PIWIL2: variants seen among roughly 807,000 people sequenced by gnomAD.
The protein encoded by PIWIL2 is piwi-like protein 2.
In PIWIL2, 81 loss-of-function variants were observed where a neutral mutation model predicts 116.5. That is an observed-to-expected ratio of 0.70 (90% CI 0.58 to 0.84). The LOEUF (loss-of-function observed/expected upper bound fraction) is 0.84. PIWIL2 is among the 40% of genes least tolerant of loss of function. The probability of loss-of-function intolerance (pLI) is 0.00; values close to 1 mark genes in which losing one functional copy is unlikely to be tolerated. For missense variants in PIWIL2, 1,272 were observed against 1,212.3 expected (o/e 1.05, Z -0.73); for synonymous variants, 489 against 429.5 (o/e 1.14, Z -1.71).
At chr8:22,305,086 CA>C (rs1831143853) in intron 12 of PIWIL2, among the ~76,000 whole-genome samples, 1 of 152,144 alleles carries the variant, frequency 6.6e-6, no homozygotes. Flanking sequence ...TAAATATCCA[CA>C]TAAGCTATTA....
chr8:22,333,558 G>A (rs546747742), intron 20 of PIWIL2, among the ~76,000 whole-genome samples: 2 of 152,186 alleles, frequency 1.3e-5, no homozygotes, highest in African/African-American at 4.8e-5. Flanking sequence ...GTTGCGGTGA[G>A]CCAATATCAC....
Position 22,281,181 on chromosome 8 carries a change from C to T in PIWIL2, c.260C>T (p.Pro87Leu), listed in dbSNP as rs193228646. ...GGCATTGAAACAGTTTCTAAGACCC[C>T]TCTGAAACGGGAAATGCTTCCATCA... Reference protein sequence around the residue: ...GLGIETVSKTPLKREMLPSGR... With the variant: ...GLGIETVSKTLLKREMLPSGR... Residue 87 changes from proline (P) to leucine (L), a missense_variant, in exon 3 of 23, where the codon CCT becomes CTT. Pro to Leu is a moderately conservative substitution (Grantham distance 98). Coordinates refer to ENST00000356766, the MANE Select transcript of PIWIL2 (RefSeq NM_018068.5). The T allele has an allele frequency of 3.1e-6, 5 of 1,612,486 alleles. No homozygotes were observed. Among genetic ancestry groups the T allele is most frequent in the East Asian group, 4.5e-5 (2 of 44,862 alleles).
chr8:22,317,736 T>G (rs1165741067), intron 19 of PIWIL2, among the ~76,000 whole-genome samples: 2 of 152,148 alleles, frequency 1.3e-5, no homozygotes, highest in Non-Finnish European at 2.9e-5. Context: ...CTCAGCTCAC[T>G]GCAAGCTCCG....
At chr8:22,344,427 A>G (rs79199521) in intron 20 of PIWIL2, among the ~76,000 whole-genome samples, 4 of 152,314 alleles carry the variant, frequency 2.6e-5, no homozygotes, top group East Asian at 1.9e-4. Context: ...GGGTGGGGAT[A>G]GGAGGTGGGA....
rs143452575 is a variant in PIWIL2, at chr8:22,355,996, C to T, written c.*491C>T. On this transcript the variant is annotated 3_prime_UTR_variant, in exon 23 of 23. Coordinates refer to ENST00000356766, the MANE Select transcript of PIWIL2 (RefSeq NM_018068.5). ...GCTAAGGCAGGAGAATCGCTTGAAC[C>T]CGGGAGGTGGAGGTTGCAGTGAGCC... 968 of 155,622 alleles carry T rather than the reference C, an allele frequency of 6.2e-3. 10 individuals are homozygous for T. The highest frequency in any genetic ancestry group is 0.022 in the African/African-American group (919 of 41,462). The allele number at this position is 155,622 out of a possible 1,614,324, so 9.6% of individuals were successfully genotyped here.
chr8:22,287,143 A>C (rs796124828), intron 6 of PIWIL2, among the ~76,000 whole-genome samples: 6 of 152,172 alleles, frequency 3.9e-5, no homozygotes, highest in African/African-American at 1.4e-4. Flanking sequence ...ACAAATGTTA[A>C]GGAAACAAAG....
At chr8:22,318,689 A>C (rs1467303538) in intron 20 of PIWIL2, among the ~76,000 whole-genome samples, 2 of 152,210 alleles carry the variant, frequency 1.3e-5, no homozygotes, top group African/African-American at 4.8e-5. Context: ...GAGGGATCTC[A>C]AATCAAAGGT....
intron 10 of PIWIL2, among the ~76,000 whole-genome samples, chr8:22,302,227 G>A (rs1365054831): frequency 6.6e-6 from 1 of 151,952 alleles, no homozygotes; most frequent in Non-Finnish European, 1.5e-5. Context: ...CTGTCACCAG[G>A]CTAAAGTGCA....
intron 20 of PIWIL2, among the ~76,000 whole-genome samples, chr8:22,351,008 G>C (rs1326613297): frequency 6.6e-6 from 1 of 151,976 alleles, no homozygotes; most frequent in African/African-American, 2.4e-5. Context: ...AGGCATGGTG[G>C]TGCACACCTG....
intron 17 of PIWIL2, among the ~76,000 whole-genome samples, chr8:22,314,649 C>A (rs1831411933): frequency 6.6e-6 from 1 of 152,124 alleles, no homozygotes; most frequent in South Asian, 2.1e-4. Context: ...TTCGCTTGTT[C>A]CGAGGTTGAG....
chr8:22,325,144 A>G (rs1831692948), intron 20 of PIWIL2, among the ~76,000 whole-genome samples: 1 of 152,200 alleles, frequency 6.6e-6, no homozygotes, highest in Non-Finnish European at 1.5e-5. Context: ...AAGAAAGAAA[A>G]AAGTATAGTT....
chr8:22,337,059 AAAT>A (rs1440661382), intron 20 of PIWIL2, among the ~76,000 whole-genome samples: 1 of 152,200 alleles, frequency 6.6e-6, no homozygotes, highest in Non-Finnish European at 1.5e-5. Context: ...CCTTATATTT[AAAT>A]AAGAAACCAG....
At chr8:22,306,093 G>A (rs1831171134) in intron 13 of PIWIL2, 77 bp downstream of exon 13, 12 of 994,184 alleles carry the variant, frequency 1.2e-5, no homozygotes, top group Admixed American at 3.6e-5. Context: ...AGTTAGAACC[G>A]AGCCACGTTC....
intron 15 of PIWIL2, 50 bp downstream of exon 15, chr8:22,310,124 T>TG: frequency 1.0e-6 from 1 of 971,950 alleles, no homozygotes; most frequent in Non-Finnish European, 1.6e-6. Context: ...CCCCAAAGTG[T>TG]GGGAATTAGG....
chr8:22,349,698 G>A (rs1433400864), intron 20 of PIWIL2, among the ~76,000 whole-genome samples: 1 of 152,072 alleles, frequency 6.6e-6, no homozygotes, highest in Non-Finnish European at 1.5e-5. Flanking sequence ...GAGTCTTTGG[G>A]AATTAACAGG....
intron 10 of PIWIL2, among the ~76,000 whole-genome samples, chr8:22,290,974 A>ATATATATTTTTTTTTTTTTTTTTTT (rs1554498394): frequency 6.8e-6 from 1 of 147,512 alleles, no homozygotes; most frequent in Non-Finnish European, 1.5e-5. Context: ...GTGTATATAT[A>ATATATATTTTTTTTTTTTTTTTTTT]TTTTTTTTAA....
chr8:22,351,233 C>G (rs1343297934), intron 20 of PIWIL2, among the ~76,000 whole-genome samples: 22 of 151,052 alleles, frequency 1.5e-4, no homozygotes, highest in Admixed American at 1.3e-3. Flanking sequence ...GCAGGAGGAT[C>G]TCTTGAGCTT....
chr8:22,288,724 T>C, intron 8 of PIWIL2, 58 bp downstream of exon 8: 1 of 1,469,642 alleles, frequency 6.8e-7, no homozygotes, highest in Middle Eastern at 1.8e-4. Context: ...TTTACAGTAA[T>C]GTTCTTCAAG....
At chr8:22,289,361 C>A (rs1346049318) in intron 8 of PIWIL2, among the ~76,000 whole-genome samples, 1 of 152,118 alleles carries the variant, frequency 6.6e-6, no homozygotes, top group Non-Finnish European at 1.5e-5. Context: ...TCTTGTTGGC[C>A]AGGATGGTCT....
Sources: allele counts gnomAD v4.1 joint callset (sites outside exome capture counted in the v4.1 genomes callset), GRCh38; gene constraint gnomAD v4.1.1; transcripts MANE v1.5; gene names NCBI Gene and HGNC (gene_info 2026-07-23, HGNC 2026-07-21).